The following WNT5B variants were observed in gnomAD, a reference collection of about 807,000 sequenced individuals.
The protein encoded by WNT5B is protein Wnt-5b.
Under a neutral mutation model 36.5 loss-of-function variants are expected in WNT5B, and 18 were observed. That is an observed-to-expected ratio of 0.49 (90% CI 0.34 to 0.73). The LOEUF is 0.73. Among genes scored for constraint, WNT5B ranks in the 30% least tolerant of loss-of-function variants. The probability of loss-of-function intolerance (pLI) is 0.01; values close to 1 mark genes in which losing one functional copy is unlikely to be tolerated. For synonymous variants in WNT5B, 213 were observed against 212.3 expected (o/e 1.00, Z -0.03); for missense variants, 424 against 508.4 (o/e 0.83, Z 1.60).
upstream of WNT5B, among the ~76,000 whole-genome samples, chr12:1,626,958 C>G (rs954468628): frequency 6.6e-6 from 1 of 152,206 alleles, no homozygotes. Flanking sequence ...AAATATTTTT[C>G]TAGCAACTCC....
intron 4 of WNT5B, chr12:1,645,062 G>C (rs1427336141): frequency 6.6e-6 from 1 of 152,256 alleles, no homozygotes; most frequent in African/African-American, 2.4e-5. Context: ...TGACTACATG[G>C]TAACATGGGG....
intron 1 of WNT5B, among the ~76,000 whole-genome samples, chr12:1,623,187 GTTTT>G (rs771500550): frequency 1.7e-5 from 1 of 58,366 alleles, no homozygotes; most frequent in African/African-American, 7.2e-5. Context: ...GTTTTTTGTT[GTTTT>G]TTTTTTTTTT....
At chr12:1,626,114 A>G (rs1470859777), upstream of WNT5B, among the ~76,000 whole-genome samples, 1 of 150,448 alleles carries the variant, frequency 6.6e-6, no homozygotes, top group Admixed American at 6.6e-5. Flanking sequence ...AGGCACCACC[A>G]TGCTCGGCTA....
chr12:1,623,187 G>GTTTTTTTTTTTTTTTTTTTTTT lies in WNT5B; in HGVS notation c.-58+6049_-58+6070dup, dbSNP rs771500550. ...GGAAACCTTTGAAGGGTTTTTTGTT[G>GTTTTTTTTTTTTTTTTTTTTTT]TTTTTTTTTTTTTTTTTTTTTTTTT... On this transcript the variant is annotated intron_variant, in intron 1 of 4. Transcript: ENST00000310594. Among the ~76,000 whole-genome samples, 40 of 58,380 alleles carry GTTTTTTTTTTTTTTTTTTTTTT rather than the reference G, an allele frequency of 6.9e-4. 11 individuals are homozygous for GTTTTTTTTTTTTTTTTTTTTTT. The highest frequency in any genetic ancestry group is 1.8e-3 in the African/African-American group (25 of 13,900). The allele number at this position is 58,380 out of a possible 152,430, so 38.3% of individuals were successfully genotyped here.
chr12:1,628,045 G>A (rs1234925214), upstream of WNT5B, among the ~76,000 whole-genome samples: 1 of 152,194 alleles, frequency 6.6e-6, no homozygotes, highest in Non-Finnish European at 1.5e-5. Context: ...GAACAGAGCA[G>A]ATGTCTGACC....
chr12:1,621,596 C>T (rs1020117214), intron 1 of WNT5B, among the ~76,000 whole-genome samples: 19 of 152,138 alleles, frequency 1.2e-4, no homozygotes, highest in African/African-American at 4.1e-4. Context: ...GTCATCCAGG[C>T]TGGAGTGCAG....
intron 3 of WNT5B, among the ~76,000 whole-genome samples, chr12:1,637,843 A>C (rs545133634): frequency 6.6e-6 from 1 of 152,342 alleles, no homozygotes; most frequent in South Asian, 2.1e-4. Flanking sequence ...TTAATTAAAA[A>C]TACTTTATTG....
Position 1,633,838 on chromosome 12 carries a change from TAG to T in WNT5B, c.328+934_328+935del, listed in dbSNP as rs2094555541. On this transcript the variant is annotated intron_variant, in intron 3 of 4. Transcript: ENST00000397196. This position sits in a 1 kb window ranked among gnomAD's most constrained non-coding sequence, Gnocchi z 4.8. ...TAGAGATTTCTTCGTGCTCCTCTCTTAGGGAGGATACTTGGAAGGCTCCTTCC... is the reference window on the plus strand; with the variant it reads ...TAGAGATTTCTTCGTGCTCCTCTCTTGGAGGATACTTGGAAGGCTCCTTCC... Among the ~76,000 whole-genome samples, 1 of 152,060 alleles carries T rather than the reference TAG, an allele frequency of 6.6e-6. No homozygotes were observed. The highest frequency in any genetic ancestry group is 1.5e-5 in the Non-Finnish European group (1 of 68,004).
chr12:1,632,932 G>A lies in WNT5B; in HGVS notation c.328+27G>A. 2 of 1,585,838 alleles carry A rather than the reference G, an allele frequency of 1.3e-6. No homozygotes were observed. Among genetic ancestry groups the A allele is most frequent in the Non-Finnish European group, 1.7e-6 (2 of 1,160,862 alleles). The stretch of plus-strand genomic sequence containing the variant: ...TAAGAGGCCATTACAAGAGGGCTCG[G>A]CCAAGGAACTGCACTCGTCTCGTTT... On this transcript the variant is annotated intron_variant, in intron 3 of 4. Transcript: ENST00000397196. The surrounding 1 kb of genome is among the most constrained non-coding windows in gnomAD (Gnocchi z 5.8).
upstream of WNT5B, chr12:1,629,101 G>C (rs989596146): frequency 6.6e-6 from 1 of 152,154 alleles, no homozygotes; most frequent in African/African-American, 2.4e-5. Flanking sequence ...AAAGCCCGGG[G>C]CGGGGGATGG....
At chr12:1,624,299 T>G (rs569947169), upstream of WNT5B, among the ~76,000 whole-genome samples, 15 of 140,950 alleles carry the variant, frequency 1.1e-4, no homozygotes, top group East Asian at 2.9e-3. Flanking sequence ...GGCACAAGCA[T>G]CACTTGAATC....
Position 1,639,699 on chromosome 12 carries a change from C to T in WNT5B, c.344C>T (p.Ala115Val). ...CATTCTGCAGGCAGCCGAGAGACCG[C>T]CTTCACCCACGCGGTGAGCGCCGCG... ...RVMQIGSRET[A>V]FTHAVSAAGV... Residue 115 changes from alanine (A) to valine (V), a missense_variant, in exon 4 of 5, where the codon GCC becomes GTC. Physicochemically the swap from Ala to Val is moderately conservative, Grantham distance 64. Coordinates refer to ENST00000397196, the MANE Select transcript of WNT5B (RefSeq NM_032642.3). 2 of 1,572,460 alleles carry T rather than the reference C, an allele frequency of 1.3e-6. No individual in the cohort carries two copies. Among genetic ancestry groups the T allele is most frequent in the East Asian group, 2.3e-5 (1 of 43,364 alleles).
intron 1 of WNT5B, among the ~76,000 whole-genome samples, chr12:1,620,538 G>T (rs4765835): frequency 0.77 from 116,098 of 151,598 alleles, 45,017 homozygotes; most frequent in African/African-American, 0.84. Flanking sequence ...CTATTCTTTT[G>T]TTGTTGTTTT....
intron 3 of WNT5B, among the ~76,000 whole-genome samples, chr12:1,635,700 G>A (rs771293775): frequency 4.6e-5 from 7 of 152,302 alleles, no homozygotes; most frequent in African/African-American, 1.7e-4. Flanking sequence ...TTAAGGAGAT[G>A]AATTCCTCAA....
At position 1,632,632 on chromosome 12, in the gene WNT5B, T is replaced by C. The variant is rs1206418720; in HGVS notation, c.81-26T>C. 6.3e-7 allele frequency: 1 copy of C among 1,583,410 alleles called. No homozygotes were observed. Among genetic ancestry groups the C allele is most frequent in the Admixed American group, 1.7e-5 (1 of 58,112 alleles). On this transcript the variant is annotated intron_variant, in intron 2 of 4. Coordinates refer to ENST00000397196, the MANE Select transcript of WNT5B (RefSeq NM_032642.3). The surrounding 1 kb of genome is among the most constrained non-coding windows in gnomAD (Gnocchi z 5.8). ...CGTATGCTCACTCCTGGGCCTTTTT[T>C]TCCCCTTTCTGGATTGCTGTCCTAG...
At chr12:1,641,054 C>T (rs948261358) in intron 4 of WNT5B, among the ~76,000 whole-genome samples, 1 of 152,162 alleles carries the variant, frequency 6.6e-6, no homozygotes, top group Non-Finnish European at 1.5e-5. Context: ...CTCTGGTTCC[C>T]AGGCGAGGTA....
chr12:1,645,190 A>C (rs2094583098), intron 4 of WNT5B: 1 of 152,136 alleles, frequency 6.6e-6, no homozygotes, highest in Admixed American at 6.5e-5. Flanking sequence ...CTTTTTTCTG[A>C]CTTGTGCTCC....
At position 1,618,009 on chromosome 12, in the gene WNT5B, G is replaced by A. The variant is rs966708997; in HGVS notation, c.-58+866G>A. Among the ~76,000 whole-genome samples, 1 of 152,102 alleles carries A rather than the reference G, an allele frequency of 6.6e-6. No homozygotes were observed. Among genetic ancestry groups the A allele is most frequent in the African/African-American group, 2.4e-5 (1 of 41,398 alleles). ...TTTAAAAACTTAACCAGACACAGTG[G>A]CTTACACCTGTAGTCCCAGCTACTC... On this transcript the variant is annotated intron_variant, in intron 1 of 4. Transcript: ENST00000310594. This position sits in a 1 kb window ranked among gnomAD's most constrained non-coding sequence, Gnocchi z 4.1.
rs74910030 is a variant in WNT5B at position 1,640,743 on chromosome 12, C to G, written c.621+767C>G. ...CTGCACCTTGTTCCTGAAAACCCCC[C>G]CTCTGAGCACACATCCAGCCTCCTC... On this transcript the variant is annotated intron_variant, in intron 4 of 4. Coordinates refer to ENST00000397196, the MANE Select transcript of WNT5B (RefSeq NM_032642.3). Among the ~76,000 whole-genome samples, 470 of 152,356 alleles carry G rather than the reference C, an allele frequency of 3.1e-3. 4 individuals are homozygous for G. Among genetic ancestry groups the G allele is most frequent in the African/African-American group, 1.0e-2 (415 of 41,592 alleles).
Sources: allele counts gnomAD v4.1 joint callset (sites outside exome capture counted in the v4.1 genomes callset), GRCh38; gene constraint gnomAD v4.1.1; non-coding constraint Gnocchi (gnomAD v3.1); transcripts MANE v1.5; gene names NCBI Gene and HGNC (gene_info 2026-07-23, HGNC 2026-07-21).